DAPP1: variants seen among roughly 807,000 people sequenced by gnomAD.
The protein encoded by DAPP1 is dual adapter for phosphotyrosine and 3-phosphotyrosine and 3-phosphoinositide.
A neutral mutation model predicts 41.5 loss-of-function variants in DAPP1; 20 were observed. That is an observed-to-expected ratio of 0.48 (90% CI 0.34 to 0.70). DAPP1 has a LOEUF of 0.70. DAPP1 is among the 30% of genes least tolerant of loss of function. The pLI is 0.01. For synonymous variants in DAPP1, 113 were observed against 116.2 expected, an observed-to-expected ratio of 0.97 and a Z score of 0.18; for missense variants, 233 against 333.4, an observed-to-expected ratio of 0.70 and a Z score of 2.35.
At chr4:99,849,311 A>C (rs941359468) in intron 3 of DAPP1, among the ~76,000 whole-genome samples, 2 of 152,140 alleles carry the variant, frequency 1.3e-5, no homozygotes, top group African/African-American at 4.8e-5. Context: ...GGCCTGGAGA[A>C]TTGTGGACCT....
chr4:99,826,749 C>G, intron 1 of DAPP1, among the ~76,000 whole-genome samples: 1 of 152,224 alleles, frequency 6.6e-6, no homozygotes. Context: ...TGTCATTTCT[C>G]CTCTCAGAAT....
chr4:99,835,749 A>C lies in DAPP1; in HGVS notation c.224+4A>C. On this transcript the variant is annotated splice_donor_region_variant and intron_variant, in intron 2 of 8. Coordinates refer to ENST00000512369, the MANE Select transcript of DAPP1 (RefSeq NM_014395.3). ...GGCTGTACTCTCTCTCTGTGAGGTA[A>C]GGTGCTTCAGGGCTCTACGACTTCA... 3.1e-6 allele frequency: 5 copies of C among 1,613,624 alleles called. No homozygotes were observed. Among genetic ancestry groups the C allele is most frequent in the Non-Finnish European group, 4.2e-6 (5 of 1,179,688 alleles).
At chr4:99,818,284 C>T (rs1373808811) in intron 1 of DAPP1, among the ~76,000 whole-genome samples, 1 of 152,120 alleles carries the variant, frequency 6.6e-6, no homozygotes, top group African/African-American at 2.4e-5. Context: ...GGTAAAAGGC[C>T]CTTCTGTGAG....
At chr4:99,826,785 T>C (rs1722951839) in intron 1 of DAPP1, among the ~76,000 whole-genome samples, 1 of 152,230 alleles carries the variant, frequency 6.6e-6, no homozygotes, top group Non-Finnish European at 1.5e-5. Context: ...ATGAATCCTA[T>C]ATTCATTCTT....
intron 1 of DAPP1, among the ~76,000 whole-genome samples, chr4:99,833,940 T>G (rs28496278): frequency 0.076 from 11,580 of 152,286 alleles, 507 homozygotes; most frequent in Middle Eastern, 0.14. Context: ...GACTCACAAC[T>G]GGCCTATGCC....
intron 1 of DAPP1, among the ~76,000 whole-genome samples, chr4:99,832,887 A>G (rs1306803843): frequency 6.6e-6 from 1 of 152,094 alleles, no homozygotes; most frequent in Non-Finnish European, 1.5e-5. Context: ...AACAACTGTT[A>G]TCAGGCTATA....
rs1365763263 is a variant in DAPP1 at position 99,870,007 on chromosome 4, G to A, written c.*1822G>A. 3 of 151,982 alleles carry A rather than the reference G, an allele frequency of 2.0e-5. No individual in the cohort carries two copies. The highest frequency in any genetic ancestry group is 4.4e-5 in the Non-Finnish European group (3 of 67,976). The allele number at this position is 151,982 out of a possible 1,614,324, so 9.4% of individuals were successfully genotyped here. A position where few individuals can be genotyped will look rare whatever the true frequency, so the allele number is the denominator to read the frequency against. On this transcript the variant is annotated 3_prime_UTR_variant, in exon 9 of 9. Coordinates refer to ENST00000512369, the MANE Select transcript of DAPP1 (RefSeq NM_014395.3). ...TACTCACGGATATGTATAGTTTTAT[G>A]TTTGTTTTCTTAGAAACAAATGTGT...
In DAPP1 at chr4:99,870,087, C is replaced by A. The variant is rs1190320714; in HGVS notation, c.*1902C>A. ...TATGTTTACCTTTTATAAAACATAA[C>A]CTGTTTATTTATATTCTTTGGCTTT... On this transcript the variant is annotated 3_prime_UTR_variant, in exon 9 of 9. Transcript: ENST00000512369. 6.6e-6 allele frequency: 1 copy of A among 152,102 alleles called. No individual in the cohort carries two copies. The highest frequency in any genetic ancestry group is 1.5e-5 in the Non-Finnish European group (1 of 68,006). 9.4% of individuals were successfully genotyped at this position (152,102 alleles called of 1,614,324 possible). A position where few individuals can be genotyped will look rare whatever the true frequency, so the allele number is the denominator to read the frequency against.
At chr4:99,854,558 T>A (rs1293431990) in intron 4 of DAPP1, among the ~76,000 whole-genome samples, 2 of 152,234 alleles carry the variant, frequency 1.3e-5, no homozygotes, top group Non-Finnish European at 2.9e-5. Context: ...CCTTTGGTGA[T>A]GCCTTTTGTG....
At chr4:99,838,213 A>G (rs1723367348) in intron 2 of DAPP1, among the ~76,000 whole-genome samples, 1 of 152,210 alleles carries the variant, frequency 6.6e-6, no homozygotes, top group Admixed American at 6.5e-5. Context: ...TTATAAATCA[A>G]TGACATACAT....
rs776332284 is a variant in DAPP1, at chr4:99,835,645, C to T, written c.124C>T (p.Arg42Cys). 1.1e-5 allele frequency: 17 copies of T among 1,613,594 alleles called. No homozygotes were observed. Among genetic ancestry groups the T allele is most frequent in the South Asian group, 2.2e-5 (2 of 91,058 alleles). ...DLGWYHGNLT[R>C]HAAEALLLSN... ...TAGGTGGTATCACGGCAACCTCACA[C>T]GCCATGCTGCTGAAGCTCTTCTCCT... is the stretch of plus-strand genomic sequence containing the variant. The change falls in exon 2 of 9, where the codon CGC (arginine) becomes TGC (cysteine). Residue 42 changes from arginine to cysteine, a missense_variant. Coordinates refer to ENST00000512369, the MANE Select transcript of DAPP1 (RefSeq NM_014395.3).
intron 1 of DAPP1, among the ~76,000 whole-genome samples, chr4:99,827,759 G>A (rs1002962378): frequency 6.6e-6 from 1 of 152,066 alleles, no homozygotes. Context: ...AGAGTTTAAC[G>A]TTAAGACAGA....
At position 99,825,217 on chromosome 4, in the gene DAPP1, C is replaced by G. The variant is rs540472472; in HGVS notation, c.101+8203C>G. 5.9e-5 allele frequency among the ~76,000 whole-genome samples: 9 copies of G among 152,294 alleles called. No individual in the cohort carries two copies. In the East Asian group the frequency reaches 1.7e-3, roughly 29 times the overall value. On this transcript the variant is annotated intron_variant, in intron 1 of 8. Transcript: ENST00000512369. ...GGTCTCTTGAGTTTTGTGTCTCTAT[C>G]TTTCTATCCGTCTGTCTGCAGCTCT...
At chr4:99,831,986 A>AT (rs1723138337) in intron 1 of DAPP1, among the ~76,000 whole-genome samples, 2 of 149,932 alleles carry the variant, frequency 1.3e-5, no homozygotes, top group Admixed American at 1.3e-4. Flanking sequence ...AAAAAAAAAA[A>AT]CAGGTTATAT....
At chr4:99,833,465 C>T (rs1723190104) in intron 1 of DAPP1, among the ~76,000 whole-genome samples, 1 of 152,150 alleles carries the variant, frequency 6.6e-6, no homozygotes, top group South Asian at 2.1e-4. Flanking sequence ...AAACTTCCTT[C>T]CACAGGTGCA....
chr4:99,846,321 T>C (rs1046969411), intron 3 of DAPP1, among the ~76,000 whole-genome samples: 4 of 152,192 alleles, frequency 2.6e-5, no homozygotes, highest in South Asian at 2.1e-4. Context: ...ACACAAATTC[T>C]AAGTTTCAAC....
chr4:99,848,567 C>G (rs978991869), intron 3 of DAPP1, among the ~76,000 whole-genome samples: 4 of 151,984 alleles, frequency 2.6e-5, no homozygotes, highest in Non-Finnish European at 4.4e-5. Context: ...AACAATATAC[C>G]CTCCCAGAAT....
chr4:99,842,906 C>A (rs1469726894), intron 3 of DAPP1, among the ~76,000 whole-genome samples: 2 of 146,634 alleles, frequency 1.4e-5, no homozygotes, highest in African/African-American at 2.6e-5. Flanking sequence ...GGCTGGAGTG[C>A]AGTGGCGCGA....
chr4:99,851,064 G>A (rs1463860572), intron 3 of DAPP1, among the ~76,000 whole-genome samples: 1 of 152,172 alleles, frequency 6.6e-6, no homozygotes, highest in Non-Finnish European at 1.5e-5. Context: ...GTTTCTTAGG[G>A]TTGGGAGCCA....
Sources: gnomAD v4.1 joint callset for allele counts (sites outside exome capture counted in the v4.1 genomes callset) on GRCh38, gnomAD v4.1.1 for gene constraint, MANE v1.5 for transcripts, NCBI Gene and HGNC (gene_info 2026-07-23, HGNC 2026-07-21) for gene names.